DPF3: variants seen among roughly 807,000 people sequenced by gnomAD.
DPF3 encodes zinc finger protein DPF3.
In DPF3, 18 loss-of-function variants were observed where a neutral mutation model predicts 56.8. That is an observed-to-expected ratio of 0.32 (90% CI 0.22 to 0.47). The LOEUF (loss-of-function observed/expected upper bound fraction) is 0.47, where lower values mean the gene tolerates loss of function less well. DPF3 is among the 20% of genes least tolerant of loss of function. The pLI is 1.00. For missense variants in DPF3, 403 were observed against 488.8 expected (o/e 0.82, Z 1.65); for synonymous variants, 188 against 180.2 (o/e 1.04, Z -0.35).
chr14:72,790,250 T>G, intron 1 of DPF3, among the ~76,000 whole-genome samples: 1 of 152,080 alleles, frequency 6.6e-6, no homozygotes, highest in East Asian at 1.9e-4. Flanking sequence ...AAAAAATAAT[T>G]AATTAATGTA....
At chr14:72,691,513 G>A (rs1372243782) in intron 7 of DPF3, among the ~76,000 whole-genome samples, 3 of 152,160 alleles carry the variant, frequency 2.0e-5, no homozygotes, top group Admixed American at 6.5e-5. Flanking sequence ...CGGATCACGA[G>A]GTCAAGAGAT....
intron 1 of DPF3, among the ~76,000 whole-genome samples, chr14:72,834,640 T>C (rs1031517962): frequency 1.6e-4 from 25 of 152,248 alleles, no homozygotes; most frequent in African/African-American, 6.0e-4. Flanking sequence ...AGCTTGGCAG[T>C]TCCTCAAAAC....
chr14:72,676,246 C>T (rs754918731), intron 7 of DPF3, among the ~76,000 whole-genome samples: 8 of 152,118 alleles, frequency 5.3e-5, no homozygotes, highest in Admixed American at 2.6e-4. Context: ...CCAGTTGTTA[C>T]TTAGGTAGCT....
chr14:72,767,273 C>A (rs925560033), intron 2 of DPF3, among the ~76,000 whole-genome samples: 1 of 152,144 alleles, frequency 6.6e-6, no homozygotes. Flanking sequence ...AGCCACTCAT[C>A]TTATGAAGAA....
At chr14:72,775,199 C>A (rs1406393471) in intron 1 of DPF3, among the ~76,000 whole-genome samples, 4 of 152,132 alleles carry the variant, frequency 2.6e-5, no homozygotes, top group Non-Finnish European at 5.9e-5. Flanking sequence ...CTCAGAAATT[C>A]TGCTGAAAAG....
intron 1 of DPF3, among the ~76,000 whole-genome samples, chr14:72,835,911 C>T (rs1180644624): frequency 6.6e-6 from 1 of 152,264 alleles, no homozygotes; most frequent in Non-Finnish European, 1.5e-5. Flanking sequence ...AAAAACCAAC[C>T]TCATGGTTCA....
chr14:72,674,752 G>A (rs1886838290), intron 7 of DPF3, among the ~76,000 whole-genome samples: 1 of 152,258 alleles, frequency 6.6e-6, no homozygotes, highest in South Asian at 2.1e-4. Flanking sequence ...ACACCATGGT[G>A]TGAGGACAGG....
chr14:72,718,852 G>A (rs552155806), intron 5 of DPF3, among the ~76,000 whole-genome samples: 12 of 130,954 alleles, frequency 9.2e-5, no homozygotes, highest in East Asian at 7.4e-4. Context: ...TGCAACCTCC[G>A]CCTCCGCCTC....
At chr14:72,828,223 G>T (rs371745851) in intron 1 of DPF3, among the ~76,000 whole-genome samples, 2 of 152,288 alleles carry the variant, frequency 1.3e-5, no homozygotes, top group African/African-American at 4.8e-5. Context: ...TATGTGCTAA[G>T]CACCATGCTG....
At chr14:72,647,963 AC>A (rs543380210) in intron 8 of DPF3, among the ~76,000 whole-genome samples, 1 of 151,878 alleles carries the variant, frequency 6.6e-6, no homozygotes, top group Non-Finnish European at 1.5e-5. Context: ...CTGCTCATGC[AC>A]CTATCTTAGA....
chr14:72,678,771 G>T (rs901203752), intron 7 of DPF3, among the ~76,000 whole-genome samples: 1 of 152,168 alleles, frequency 6.6e-6, no homozygotes, highest in African/African-American at 2.4e-5. Context: ...GATGGATGTG[G>T]TTTTCTGTTG....
intron 1 of DPF3, among the ~76,000 whole-genome samples, chr14:72,865,468 G>A (rs1160721017): frequency 6.6e-6 from 1 of 152,242 alleles, no homozygotes; most frequent in African/African-American, 2.4e-5. Flanking sequence ...TGGGGATGAC[G>A]ACGAAGTTCC....
intron 2 of DPF3, among the ~76,000 whole-genome samples, chr14:72,764,808 G>T (rs146609392): frequency 6.6e-6 from 1 of 152,246 alleles, no homozygotes; most frequent in East Asian, 1.9e-4. Flanking sequence ...CTGAGTTCCA[G>T]CAAATGATCA....
In DPF3 at chr14:72,611,526, C is replaced by T. The variant is rs1883724618; in HGVS notation, c.*7771G>A. Reference sequence around the variant, plus strand: ...ACTTGAAGCCCCCACCCCCCCAGTCCCGCTCTCTGCTTTCTCTAGCAGGGA... The same window carrying T: ...ACTTGAAGCCCCCACCCCCCCAGTCTCGCTCTCTGCTTTCTCTAGCAGGGA... On this transcript the variant is annotated 3_prime_UTR_variant, in exon 11 of 11. Transcript: ENST00000556509. Among the ~76,000 whole-genome samples, 1 of 152,150 alleles carries T rather than the reference C, an allele frequency of 6.6e-6. No homozygotes were observed. Among genetic ancestry groups the T allele is most frequent in the Non-Finnish European group, 1.5e-5 (1 of 68,028 alleles).
rs1012155719 is a variant in DPF3 at position 72,613,062 on chromosome 14, A to G, written c.*6235T>C. Among the ~76,000 whole-genome samples the G allele has an allele frequency of 6.6e-6, 1 of 151,984 alleles. No individual in the cohort carries two copies. Among genetic ancestry groups the G allele is most frequent in the Non-Finnish European group, 1.5e-5 (1 of 67,980 alleles). On this transcript the variant is annotated 3_prime_UTR_variant, in exon 11 of 11. Transcript: ENST00000556509. ...CGTGCGTGCACGCACGCGCATGCAC[A>G]TGGGCATTCCTGTTCTCATCATCAA...
intron 1 of DPF3, among the ~76,000 whole-genome samples, chr14:72,848,709 C>A (rs139950401): frequency 0.014 from 2,157 of 152,244 alleles, 44 homozygotes; most frequent in African/African-American, 0.049. Context: ...TGTCCCGTAT[C>A]CAGGTGACTA....
rs577622650 is a variant in DPF3 at position 72,829,574 on chromosome 14, C to T, written c.33-57681G>A. On this transcript the variant is annotated intron_variant, in intron 1 of 10. Transcript: ENST00000556509. ...TAATTTTTTGTATTTTTAGTAGAGACAGGGTTTCACCATGTTGGCCAAGCT... is the reference window on the plus strand; with the variant it reads ...TAATTTTTTGTATTTTTAGTAGAGATAGGGTTTCACCATGTTGGCCAAGCT... 5.9e-5 allele frequency among the ~76,000 whole-genome samples: 9 copies of T among 151,674 alleles called. No homozygotes were observed. The East Asian group carries it at 1.8e-3, about 30-fold the overall frequency.
At chr14:72,721,633 C>A (rs139582137) in intron 5 of DPF3, among the ~76,000 whole-genome samples, 13 of 152,220 alleles carry the variant, frequency 8.5e-5, no homozygotes, top group Non-Finnish European at 1.8e-4. Flanking sequence ...AATTAAAACA[C>A]CACCCAAAGC....
intron 8 of DPF3, among the ~76,000 whole-genome samples, chr14:72,647,416 T>C (rs1014764109): frequency 2.0e-5 from 3 of 152,208 alleles, no homozygotes; most frequent in Non-Finnish European, 4.4e-5. Flanking sequence ...GCAATTCTCC[T>C]TGCCAGAGAC....
Sources: gnomAD v4.1 joint callset for allele counts (sites outside exome capture counted in the v4.1 genomes callset) on GRCh38, gnomAD v4.1.1 for gene constraint, MANE v1.5 for transcripts, NCBI Gene and HGNC (gene_info 2026-07-23, HGNC 2026-07-21) for gene names.